Variants in CNTNAP2 observed in about 807,000 individuals in gnomAD.
The protein encoded by CNTNAP2 is contactin-associated protein-like 2.
A neutral mutation model predicts 155.2 loss-of-function variants in CNTNAP2; 98 were observed. That is an observed-to-expected ratio of 0.63 (90% CI 0.54 to 0.75). CNTNAP2 has a LOEUF of 0.75. Among genes scored for constraint, CNTNAP2 ranks in the 30% least tolerant of loss-of-function variants. The pLI is 0.00. For synonymous variants in CNTNAP2, 651 were observed against 631.2 expected, an observed-to-expected ratio of 1.03 and a Z score of -0.47; for missense variants, 1,727 against 1,688.1, an observed-to-expected ratio of 1.02 and a Z score of -0.40.
At chr7:146,452,621 A>G (rs1483153658) in intron 1 of CNTNAP2, among the ~76,000 whole-genome samples, 1 of 152,212 alleles carries the variant, frequency 6.6e-6, no homozygotes, top group Admixed American at 6.5e-5. Context: ...TACAGTTATT[A>G]CTTGAACTTA....
intron 1 of CNTNAP2, among the ~76,000 whole-genome samples, chr7:146,259,990 C>T (rs775250222): frequency 2.0e-5 from 3 of 152,176 alleles, no homozygotes; most frequent in Non-Finnish European, 4.4e-5. Context: ...AAGCCCAGGG[C>T]GATGCTGTTC....
intron 1 of CNTNAP2, among the ~76,000 whole-genome samples, chr7:146,539,322 A>AGATCAGCAAAGCT (rs1797916739): frequency 6.6e-6 from 1 of 152,038 alleles, no homozygotes; most frequent in Non-Finnish European, 1.5e-5. Context: ...CTTTTGGCAG[A>AGATCAGCAAAGCT]GATCAGCAAA....
chr7:147,108,103 A>T, intron 4 of CNTNAP2, 44 bp from the exon 5 acceptor site: 1 of 1,558,836 alleles, frequency 6.4e-7, no homozygotes, highest in Non-Finnish European at 8.8e-7. Context: ...GTGGATGGTA[A>T]CATACATGGC....
chr7:147,889,248 C>A (rs1017109895), intron 13 of CNTNAP2, among the ~76,000 whole-genome samples: 1 of 151,586 alleles, frequency 6.6e-6, no homozygotes, highest in Non-Finnish European at 1.5e-5. Context: ...CAATAAAAAG[C>A]AAACAAGAGA....
At chr7:147,101,208 G>C (rs1237727633) in intron 4 of CNTNAP2, among the ~76,000 whole-genome samples, 1 of 152,188 alleles carries the variant, frequency 6.6e-6, no homozygotes, top group Admixed American at 6.5e-5. Context: ...GGTGGTATAG[G>C]CCACACTGAA....
intron 1 of CNTNAP2, among the ~76,000 whole-genome samples, chr7:146,751,774 C>T (rs1339168160): frequency 6.6e-6 from 1 of 152,042 alleles, no homozygotes; most frequent in East Asian, 1.9e-4. Context: ...TCTCCCTCTC[C>T]TTGCCCCCAA....
intron 10 of CNTNAP2, among the ~76,000 whole-genome samples, chr7:147,423,663 T>C (rs1024936052): frequency 6.6e-6 from 1 of 152,138 alleles, no homozygotes; most frequent in Admixed American, 6.6e-5. Flanking sequence ...TGAACCTATC[T>C]CTGAAATATT....
At chr7:147,684,194 T>C (rs965846607) in intron 13 of CNTNAP2, among the ~76,000 whole-genome samples, 5 of 151,846 alleles carry the variant, frequency 3.3e-5, no homozygotes, top group African/African-American at 1.2e-4. Flanking sequence ...AGTTTGCCTT[T>C]TCAGAATAAA....
chr7:147,542,355 G>A (rs1799656623), intron 11 of CNTNAP2, among the ~76,000 whole-genome samples: 1 of 151,788 alleles, frequency 6.6e-6, no homozygotes, highest in East Asian at 1.9e-4. Context: ...AGTTTGTACT[G>A]GACAGCAGAA....
intron 2 of CNTNAP2, among the ~76,000 whole-genome samples, chr7:146,778,650 A>G (rs1244741047): frequency 1.3e-5 from 2 of 152,204 alleles, no homozygotes; most frequent in Non-Finnish European, 2.9e-5. Flanking sequence ...TTCAAACAGC[A>G]TATCCCTTAC....
chr7:147,369,300 T>C (rs1201624585), intron 9 of CNTNAP2, among the ~76,000 whole-genome samples: 2 of 152,232 alleles, frequency 1.3e-5, no homozygotes, highest in Non-Finnish European at 2.9e-5. Flanking sequence ...AAACTGACCA[T>C]GTCCAGAACC....
chr7:146,809,413 G>A (rs1487284225), intron 2 of CNTNAP2, among the ~76,000 whole-genome samples: 1 of 152,058 alleles, frequency 6.6e-6, no homozygotes, highest in Non-Finnish European at 1.5e-5. Context: ...CCAGGCTGGA[G>A]TGCAGTGGTG....
At chr7:147,771,402 G>A (rs1797466684) in intron 13 of CNTNAP2, among the ~76,000 whole-genome samples, 1 of 152,192 alleles carries the variant, frequency 6.6e-6, no homozygotes, top group South Asian at 2.1e-4. Context: ...AAAGATATTA[G>A]CAACATATAA....
chr7:146,328,707 C>T (rs1180299299), intron 1 of CNTNAP2, among the ~76,000 whole-genome samples: 1 of 152,144 alleles, frequency 6.6e-6, no homozygotes, highest in African/African-American at 2.4e-5. Flanking sequence ...GCCCCCAGCT[C>T]CTCCTAATCA....
intron 1 of CNTNAP2, among the ~76,000 whole-genome samples, chr7:146,585,148 A>C (rs1798668887): frequency 7.6e-6 from 1 of 131,574 alleles, no homozygotes; most frequent in South Asian, 2.5e-4. Context: ...GTTTTTTCGG[A>C]GTCCCACTCT....
At chr7:148,178,508 G>A (rs1007955318) in intron 18 of CNTNAP2, among the ~76,000 whole-genome samples, 6 of 152,146 alleles carry the variant, frequency 3.9e-5, no homozygotes, top group Non-Finnish European at 8.8e-5. Flanking sequence ...TTCTCCCTAT[G>A]AGTATTGTGA....
intron 8 of CNTNAP2, among the ~76,000 whole-genome samples, chr7:147,293,428 A>T (rs1006012389): frequency 8.5e-5 from 13 of 152,176 alleles, no homozygotes; most frequent in Non-Finnish European, 1.5e-5. Context: ...ATGAAAATTT[A>T]TATACCTTTT....
intron 8 of CNTNAP2, among the ~76,000 whole-genome samples, chr7:147,143,619 A>T (rs1801644207): frequency 6.6e-6 from 1 of 152,132 alleles, no homozygotes; most frequent in Non-Finnish European, 1.5e-5. Flanking sequence ...TAACTTTACA[A>T]TTCTGTTATC....
chr7:148,230,203 C>T (rs969603820), intron 20 of CNTNAP2, among the ~76,000 whole-genome samples: 2 of 152,082 alleles, frequency 1.3e-5, no homozygotes, highest in South Asian at 2.1e-4. Flanking sequence ...CTGTATTTTT[C>T]TCTCTCTCTC....
Sources: gnomAD v4.1 joint callset for allele counts (sites outside exome capture counted in the v4.1 genomes callset) on GRCh38, gnomAD v4.1.1 for gene constraint, MANE v1.5 for transcripts, NCBI Gene and HGNC (gene_info 2026-07-23, HGNC 2026-07-21) for gene names.